The following CCDC40 variants were observed in gnomAD, a reference collection of about 807,000 sequenced individuals.
CCDC40 encodes coiled-coil domain 40 molecular ruler complex subunit.
Under a neutral mutation model 124.5 loss-of-function variants are expected in CCDC40, and 104 were observed. The ratio of observed to expected loss-of-function variants is 0.84; its 90% CI spans 0.71 to 0.98. The LOEUF is 0.98. CCDC40 is among the 50% of genes least tolerant of loss of function. The pLI is 0.00. For missense variants in CCDC40, 1,463 were observed against 1,503.9 expected (o/e 0.97, Z 0.45); for synonymous variants, 580 against 602.9 (o/e 0.96, Z 0.56).
intron 7 of CCDC40, among the ~76,000 whole-genome samples, chr17:80,052,410 C>T (rs369019450): frequency 4.6e-5 from 7 of 152,142 alleles, no homozygotes; most frequent in African/African-American, 1.7e-4. Flanking sequence ...ACACTCTAGC[C>T]GCACTGTCAG....
At chr17:80,046,795 A>T (rs1387924085) in intron 3 of CCDC40, among the ~76,000 whole-genome samples, 12 of 152,080 alleles carry the variant, frequency 7.9e-5, no homozygotes. Flanking sequence ...GGGAAATTTC[A>T]ATAAGAAAAT....
At chr17:80,090,495 C>A in intron 17 of CCDC40, 2 of 1,524,756 alleles carry the variant, frequency 1.3e-6, no homozygotes, top group Non-Finnish European at 8.8e-7. Flanking sequence ...ACGTGCATGT[C>A]ATCTCACAAA....
chr17:80,089,978 C>T (rs1452053935), intron 17 of CCDC40, 94 bp downstream of exon 17: 1 of 1,556,782 alleles, frequency 6.4e-7, no homozygotes, highest in South Asian at 1.2e-5. Flanking sequence ...TCTCCCGGGG[C>T]TCCTGTGGGA....
rs1298142442 is a variant in CCDC40 at position 80,081,878 on chromosome 17, A to T, written c.1809A>T (p.Glu603Asp). 10 of 1,614,138 alleles carry T rather than the reference A, an allele frequency of 6.2e-6. No homozygotes were observed. Among genetic ancestry groups the T allele is most frequent in the African/African-American group, 1.3e-5 (1 of 75,064 alleles). The change falls in exon 12 of 20, where the codon GAA (glutamate) becomes GAT (aspartate). Residue 603 changes from glutamate to aspartate, a missense_variant and splice_region_variant. Transcript: ENST00000397545. Reference sequence around the variant, plus strand: ...ACCCTGTGGCTCCTTGTCTCCAGGAACAAATGATACTCACGGAGGAGTTGC... The same window carrying T: ...ACCCTGTGGCTCCTTGTCTCCAGGATCAAATGATACTCACGGAGGAGTTGC... ...TEDALSQDQL[E>D]QMILTEELQA...
chr17:80,054,467 A>G (rs1025790490), intron 7 of CCDC40, among the ~76,000 whole-genome samples: 1 of 152,158 alleles, frequency 6.6e-6, no homozygotes, highest in African/African-American at 2.4e-5. Flanking sequence ...AGATTCCGGA[A>G]ACTCCCCACA....
At chr17:80,053,678 C>T (rs1243376998) in intron 7 of CCDC40, among the ~76,000 whole-genome samples, 2 of 152,146 alleles carry the variant, frequency 1.3e-5, no homozygotes, top group African/African-American at 4.8e-5. Flanking sequence ...CTGCAACCTC[C>T]ACCTCCCGGG....
Position 80,065,539 on chromosome 17 carries a change from TG to T in CCDC40, c.1498del (p.Ala500ProfsTer7), listed in dbSNP as rs1568691194. ...SVEKRRIMQQ[W>X]ASSLVGMKHR... ...GGAGAAGAGGCGCATCATGCAGCAA[TG>T]GGCCAGCAGCCTGGTGGGCATGAAG... On this transcript the variant is annotated frameshift_variant, in exon 10 of 20. Transcript: ENST00000397545. LOFTEE classifies it high-confidence loss of function. 3 of 1,612,186 alleles carry T rather than the reference TG, an allele frequency of 1.9e-6. No individual in the cohort carries two copies. The highest frequency in any genetic ancestry group is 1.7e-6 in the Non-Finnish European group (2 of 1,179,836).
At chr17:80,098,471 G>A (rs1045962403) in intron 19 of CCDC40, among the ~76,000 whole-genome samples, 3 of 152,256 alleles carry the variant, frequency 2.0e-5, no homozygotes, top group Admixed American at 6.5e-5. Flanking sequence ...CTGGCGAGAA[G>A]CCATCAGGCT....
rs576977862 is a variant in CCDC40 at position 80,047,687 on chromosome 17, G to A, written c.676+285G>A. Among the ~76,000 whole-genome samples the A allele has an allele frequency of 3.0e-4, 45 of 152,280 alleles. No individual in the cohort carries two copies. In the South Asian group the frequency reaches 8.5e-3, roughly 29 times the overall value. On this transcript the variant is annotated intron_variant, in intron 4 of 19. Transcript: ENST00000397545. ...CTGGTCCGATTAAGTGACAGAACGC[G>A]GCCTTCACCAAGATTCAGTGACGCC...
chr17:80,050,506 C>T (rs943380228), intron 7 of CCDC40, among the ~76,000 whole-genome samples: 2 of 152,284 alleles, frequency 1.3e-5, no homozygotes, highest in Admixed American at 6.5e-5. Context: ...TGCAATGGCG[C>T]GATCTTGGCT....
chr17:80,050,963 C>A (rs1459679745), intron 7 of CCDC40, among the ~76,000 whole-genome samples: 2 of 152,126 alleles, frequency 1.3e-5, no homozygotes, highest in Admixed American at 1.3e-4. Flanking sequence ...GGCCCAGGGC[C>A]TGACCGCCGT....
chr17:80,076,467 G>A (rs1272889129), intron 10 of CCDC40, among the ~76,000 whole-genome samples: 7 of 151,644 alleles, frequency 4.6e-5, no homozygotes, highest in Non-Finnish European at 8.8e-5. Flanking sequence ...CCAGGTACTC[G>A]AGAGGCTGAG....
rs542501223 is a variant in CCDC40, at chr17:80,061,727, G to A, written c.1440+2747G>A. ...GTCACAAGTAACCAAAGGACAGGGA[G>A]TCCCCTACAGAGTTGGCAAAGATAA... On this transcript the variant is annotated intron_variant, in intron 9 of 19. Transcript: ENST00000397545. Among the ~76,000 whole-genome samples the A allele has an allele frequency of 2.6e-5, 4 of 152,330 alleles. No individual in the cohort carries two copies. In the South Asian group the frequency reaches 8.3e-4, roughly 32 times the overall value.
rs2037449190 is a variant in CCDC40, at chr17:80,047,306, C to T, written c.580C>T (p.Gln194Ter). The T allele has an allele frequency of 1.2e-6, 2 of 1,613,732 alleles. No individual in the cohort carries two copies. The highest frequency in any genetic ancestry group is 8.5e-7 in the Non-Finnish European group (1 of 1,179,832). ...LTGSTEEPQGQVLPMGVQHRF... is the reference protein window; with the variant it reads ...LTGSTEEPQG ...AGGATCCACAGAGGAGCCCCAGGGG[C>T]AGGTGCTCCCAATGGGCGTCCAGCA... The change falls in exon 4 of 20, where the codon CAG becomes TAG. Residue 194 changes from glutamine (Q) to a stop codon, truncating the protein, a stop_gained. Transcript: ENST00000397545. LOFTEE classifies it high-confidence loss of function.
At position 80,086,917 on chromosome 17, in the gene CCDC40, G is replaced by T. The variant is rs2038599763; in HGVS notation, c.2450-690G>T. 6.2e-6 allele frequency: 1 copy of T among 161,734 alleles called. No homozygotes were observed. The highest frequency in any genetic ancestry group is 5.7e-5 in the Admixed American group (1 of 17,434). 10.0% of individuals were successfully genotyped at this position (161,734 alleles called of 1,614,324 possible). Reference sequence around the variant, plus strand: ...TGTTGGTGAGTAGCAAGTCCCAAAAGACCCTATGGAGCTGTCAGCTGAGTA... The same window carrying T: ...TGTTGGTGAGTAGCAAGTCCCAAAATACCCTATGGAGCTGTCAGCTGAGTA... On this transcript the variant is annotated intron_variant, in intron 14 of 19. Coordinates refer to ENST00000397545, the MANE Select transcript of CCDC40 (RefSeq NM_017950.4). The surrounding 1 kb of genome is among the most constrained non-coding windows in gnomAD (Gnocchi z 5.5).
chr17:80,081,846 C>G (rs2038457786), intron 11 of CCDC40, 30 bp from the exon 12 acceptor site: 1 of 1,613,872 alleles, frequency 6.2e-7, no homozygotes, highest in South Asian at 1.1e-5. Context: ...CCTCTTCAGG[C>G]ACGTGCACCC....
chr17:80,097,403 G>A lies in CCDC40; in HGVS notation c.3180G>A (p.Gln1060=). 1 of 1,613,902 alleles carries A rather than the reference G, an allele frequency of 6.2e-7. No homozygotes were observed. Among genetic ancestry groups the A allele is most frequent in the Non-Finnish European group, 8.5e-7 (1 of 1,179,984 alleles). ...DLTRLGALKR[Q]NLSEIVALQT... Reference sequence around the variant, plus strand: ...CCCGGCTTGGGGCCCTCAAACGACAGGTAAACGTGTCCCAGGAGGTCCCTG... The same window carrying A: ...CCCGGCTTGGGGCCCTCAAACGACAAGTAAACGTGTCCCAGGAGGTCCCTG... Residue 1060 remains glutamine, a splice_region_variant and synonymous_variant, in exon 19 of 20, where the codon CAG becomes CAA. Transcript: ENST00000397545.
At chr17:80,096,823 G>A (rs1043753941) in intron 18 of CCDC40, among the ~76,000 whole-genome samples, 2 of 152,198 alleles carry the variant, frequency 1.3e-5, no homozygotes, top group Non-Finnish European at 2.9e-5. Context: ...CCCCGAAGGC[G>A]GAACGAACAC....
chr17:80,050,687 G>A (rs9902461), intron 7 of CCDC40, among the ~76,000 whole-genome samples: 48,612 of 152,066 alleles, frequency 0.32, 10,556 homozygotes, highest in African/African-American at 0.62. Flanking sequence ...CAGGTGATTC[G>A]CCTGCCTCGG....
Sources: allele counts gnomAD v4.1 joint callset (sites outside exome capture counted in the v4.1 genomes callset), GRCh38; gene constraint gnomAD v4.1.1; non-coding constraint Gnocchi (gnomAD v3.1); transcripts MANE v1.5; gene names NCBI Gene and HGNC (gene_info 2026-07-23, HGNC 2026-07-21).